KATNA1: variants seen among roughly 807,000 people sequenced by gnomAD.
KATNA1 encodes the protein katanin catalytic subunit A1.
A neutral mutation model predicts 62.6 loss-of-function variants in KATNA1; 42 were observed. The ratio of observed to expected loss-of-function variants is 0.67; its 90% CI spans 0.52 to 0.87. The LOEUF (loss-of-function observed/expected upper bound fraction) is 0.87, where lower values mean the gene tolerates loss of function less well. KATNA1 is among the 40% of genes least tolerant of loss of function. KATNA1 has a pLI of 0.00. For missense variants in KATNA1, 498 were observed against 612.5 expected (o/e 0.81, Z 1.97); for synonymous variants, 186 against 201.9 (o/e 0.92, Z 0.67).
intron 2 of KATNA1, among the ~76,000 whole-genome samples, chr6:149,636,848 G>A (rs1449394573): frequency 6.6e-6 from 1 of 151,642 alleles, no homozygotes; most frequent in Non-Finnish European, 1.5e-5. Flanking sequence ...CACCATGTTG[G>A]TCAGGCTGGT....
intron 4 of KATNA1, among the ~76,000 whole-genome samples, chr6:149,622,349 C>T (rs942721150): frequency 2.0e-5 from 3 of 151,572 alleles, no homozygotes; most frequent in Non-Finnish European, 4.4e-5. Context: ...GTTGTTTTTA[C>T]GTAAAAGAAT....
chr6:149,626,966 A>T (rs1352875225), intron 3 of KATNA1, among the ~76,000 whole-genome samples: 1 of 151,966 alleles, frequency 6.6e-6, no homozygotes, highest in Non-Finnish European at 1.5e-5. Flanking sequence ...CCTGGGCAAC[A>T]GAGTGAGACT....
intron 3 of KATNA1, chr6:149,631,619 A>G (rs1326672817): frequency 1.3e-5 from 2 of 152,210 alleles, no homozygotes; most frequent in African/African-American, 4.8e-5. Flanking sequence ...CAAAATGTTA[A>G]AACTGAAAAC....
chr6:149,630,965 C>A (rs1779809328), intron 3 of KATNA1, among the ~76,000 whole-genome samples: 1 of 152,112 alleles, frequency 6.6e-6, no homozygotes, highest in Admixed American at 6.6e-5. Flanking sequence ...GAAAAGTTAC[C>A]CAACCTTATT....
intron 3 of KATNA1, among the ~76,000 whole-genome samples, chr6:149,626,908 C>T (rs1042023843): frequency 4.0e-5 from 6 of 151,678 alleles, no homozygotes; most frequent in African/African-American, 1.5e-4. Context: ...CGCTTGAACC[C>T]GGGAGGCGGA....
chr6:149,629,022 C>T (rs1007074413), intron 3 of KATNA1, among the ~76,000 whole-genome samples: 7 of 151,978 alleles, frequency 4.6e-5, no homozygotes, highest in African/African-American at 7.2e-5. Flanking sequence ...GAACAGAAAA[C>T]GATACAGAAG....
intron 1 of KATNA1, among the ~76,000 whole-genome samples, chr6:149,646,532 A>T (rs1411059009): frequency 7.2e-5 from 11 of 152,226 alleles, no homozygotes. Context: ...GCCACTGATG[A>T]TTACGAATAA....
intron 4 of KATNA1, among the ~76,000 whole-genome samples, chr6:149,616,201 A>G (rs768065495): frequency 2.6e-5 from 4 of 152,146 alleles, no homozygotes; most frequent in Non-Finnish European, 4.4e-5. Flanking sequence ...ACACTTAAAA[A>G]CCGTTAAAAT....
chr6:149,641,177 G>C (rs934459749), intron 1 of KATNA1, among the ~76,000 whole-genome samples: 4 of 123,746 alleles, frequency 3.2e-5, no homozygotes, highest in African/African-American at 1.3e-4. Context: ...GTCTGGCCTC[G>C]GGTTTTTTTT....
Position 149,595,188 on chromosome 6 carries a change from G to A in KATNA1, c.1324C>T (p.Pro442Ser). Residue 442 changes from proline to serine, a missense_variant, in exon 11 of 11, where the codon CCA (proline) becomes TCA (serine). By Grantham distance (74) the Pro-to-Ser change is moderately conservative (BLOSUM62 -1). This residue lies in a region of KATNA1 where 267 missense variants were observed against 372.6 expected (regional missense o/e 0.72). Coordinates refer to ENST00000367411, the MANE Select transcript of KATNA1 (RefSeq NM_007044.4). Reference protein sequence around the residue: ...AMRRRIEGLTPEEIRNLSKEE... With the variant: ...AMRRRIEGLTSEEIRNLSKEE... ...TTGGAAAGATTTCGGATTTCCTCTG[G>A]AGTCAAACCTTCAATGCGCCTTCTC... 6.2e-7 allele frequency: 1 copy of A among 1,614,082 alleles called. No individual in the cohort carries two copies. The highest frequency in any genetic ancestry group is 8.5e-7 in the Non-Finnish European group (1 of 1,179,998).
At chr6:149,596,897 G>C (rs1403709588) in intron 10 of KATNA1, among the ~76,000 whole-genome samples, 166 bp downstream of exon 10, 2 of 152,012 alleles carry the variant, frequency 1.3e-5, no homozygotes, top group African/African-American at 2.4e-5. Flanking sequence ...CTTCACGTCA[G>C]AGGATCACTT....
rs1582747705 is a variant in KATNA1, at chr6:149,597,513, G to A, written c.1144C>T (p.Pro382Ser). ...RLEKRIYIPL[P>S]SAKGREELLR... The stretch of plus-strand genomic sequence containing the variant: ...AAGATTGAAAGGAAGATACCTGACG[G>A]CAAAGGAATATAGATTCGTTTCTCA... The change falls in exon 9 of 11, where the codon CCG becomes TCG. Residue 382 changes from proline (P) to serine (S), a missense_variant. Physicochemically the swap from Pro to Ser is moderately conservative, Grantham distance 74 (BLOSUM62 -1). Transcript: ENST00000367411. 1 of 1,613,814 alleles carries A rather than the reference G, an allele frequency of 6.2e-7. No individual in the cohort carries two copies. The highest frequency in any genetic ancestry group is 2.2e-5 in the East Asian group (1 of 44,846).
chr6:149,626,487 G>C (rs1194893465), intron 3 of KATNA1, among the ~76,000 whole-genome samples: 6 of 147,012 alleles, frequency 4.1e-5, no homozygotes, highest in Admixed American at 6.8e-5. Context: ...GTAGAGACGG[G>C]GTTTCACCGT....
At chr6:149,625,652 G>A (rs927210834) in intron 3 of KATNA1, among the ~76,000 whole-genome samples, 72 of 151,424 alleles carry the variant, frequency 4.8e-4, no homozygotes, top group African/African-American at 1.6e-3. Flanking sequence ...GATACTCCTA[G>A]GCTGGGTGCG....
intron 5 of KATNA1, among the ~76,000 whole-genome samples, chr6:149,604,208 A>T (rs1378708559): frequency 6.6e-6 from 1 of 152,204 alleles, no homozygotes; most frequent in African/African-American, 2.4e-5. Context: ...GCAAAGGCTC[A>T]TGACTGTAAT....
chr6:149,632,324 G>A (rs541751984), intron 3 of KATNA1, among the ~76,000 whole-genome samples: 64 of 149,530 alleles, frequency 4.3e-4, no homozygotes, highest in Non-Finnish European at 7.8e-4. Flanking sequence ...GCAGCGAGCC[G>A]AGATCGTGCC....
intron 10 of KATNA1, among the ~76,000 whole-genome samples, chr6:149,596,396 G>A (rs1463442989): frequency 6.6e-6 from 1 of 152,120 alleles, no homozygotes; most frequent in African/African-American, 2.4e-5. Flanking sequence ...TTAGCCAGGT[G>A]TGGTGGTGCA....
At position 149,648,607 on chromosome 6, in the gene KATNA1, C is replaced by T. The variant is rs1371317309; in HGVS notation, c.-152G>A. On this transcript the variant is annotated 5_prime_UTR_variant, in exon 1 of 11. Transcript: ENST00000367411. The stretch of plus-strand genomic sequence containing the variant: ...TCTCCGCTCACGGCCCCAGTACTGC[C>T]CAGTTCAATCGTCAACACCACCTGC... The T allele has an allele frequency of 6.6e-6, 1 of 152,468 alleles. No individual in the cohort carries two copies. The highest frequency in any genetic ancestry group is 1.5e-5 in the Non-Finnish European group (1 of 68,250). The allele number at this position is 152,468 out of a possible 1,614,324, so 9.4% of individuals were successfully genotyped here. A position where few individuals can be genotyped will look rare whatever the true frequency, so the allele number is the denominator to read the frequency against.
intron 4 of KATNA1, among the ~76,000 whole-genome samples, chr6:149,610,581 C>T (rs1426926012): frequency 6.6e-6 from 1 of 152,130 alleles, no homozygotes; most frequent in East Asian, 1.9e-4. Context: ...CAATTGGAAA[C>T]TAAACAGCAT....
Sources: gnomAD v4.1 joint callset for allele counts (sites outside exome capture counted in the v4.1 genomes callset) on GRCh38, gnomAD v4.1.1 for gene constraint, gnomAD v4.1.1 regional missense constraint, MANE v1.5 for transcripts, NCBI Gene and HGNC (gene_info 2026-07-23, HGNC 2026-07-21) for gene names.